The following DRC11 variants were observed in gnomAD, a reference collection of about 807,000 sequenced individuals.
DRC11 encodes dynein regulatory complex subunit 11, also known as IQ and AAA domain-containing protein 1.
the DRC11 span, chr2:236,392,470 C>G: frequency 3.6e-6 from 2 of 555,348 alleles, no homozygotes; most frequent in Admixed American, 3.4e-5. The surrounding 1 kb of genome is among the most constrained non-coding windows in gnomAD (Gnocchi z 5.1). Flanking sequence ...ATAAGCCTAA[C>G]TTTATATGTT....
chr2:236,492,170 C>A, the DRC11 span, among the ~76,000 whole-genome samples: 220 of 152,260 alleles, frequency 1.4e-3, 2 homozygotes, highest in Middle Eastern at 0.01. Flanking sequence ...TTTAAATTAC[C>A]CAGTCTGTGG....
At chr2:236,308,479 G>C in the DRC11 span, among the ~76,000 whole-genome samples, 3 of 152,250 alleles carry the variant, frequency 2.0e-5, no homozygotes, top group African/African-American at 7.2e-5. The surrounding 1 kb of genome is among the most constrained non-coding windows in gnomAD (Gnocchi z 6.0). Flanking sequence ...TCTGTGTGGG[G>C]ATACTCGTGG....
the DRC11 span, among the ~76,000 whole-genome samples, chr2:236,373,612 T>C: frequency 6.6e-6 from 1 of 152,230 alleles, no homozygotes; most frequent in Non-Finnish European, 1.5e-5. Context: ...TGTGGAGATG[T>C]CTTTTTGGGA....
chr2:236,442,416 A>G, the DRC11 span, among the ~76,000 whole-genome samples: 1 of 152,158 alleles, frequency 6.6e-6, no homozygotes, highest in Admixed American at 6.5e-5. Context: ...ATAGAACAAG[A>G]AGTATTTTAA....
the DRC11 span, among the ~76,000 whole-genome samples, chr2:236,336,040 T>G: frequency 2.0e-5 from 3 of 152,166 alleles, no homozygotes; most frequent in African/African-American, 7.2e-5. This position sits in a 1 kb window ranked among gnomAD's most constrained non-coding sequence, Gnocchi z 7.3. Flanking sequence ...CTTCTTTGGA[T>G]GCTGGCCAGG....
At chr2:236,401,556 G>A in the DRC11 span, among the ~76,000 whole-genome samples, 1 of 152,208 alleles carries the variant, frequency 6.6e-6, no homozygotes, top group South Asian at 2.1e-4. This position sits in a 1 kb window ranked among gnomAD's most constrained non-coding sequence, Gnocchi z 4.6. Context: ...ATACAATGTG[G>A]TATTTCCATA....
chr2:236,345,647 G>A, the DRC11 span, among the ~76,000 whole-genome samples: 3 of 152,106 alleles, frequency 2.0e-5, no homozygotes, highest in Non-Finnish European at 4.4e-5. Context: ...GCAGGGCCTC[G>A]CGACAGAGCT....
At chr2:236,377,121 T>G in the DRC11 span, 6 of 1,609,214 alleles carry the variant, frequency 3.7e-6, no homozygotes, top group African/African-American at 6.7e-5. The surrounding 1 kb of genome is among the most constrained non-coding windows in gnomAD (Gnocchi z 4.9). Flanking sequence ...TCAGAGAGGT[T>G]GACTTTCAGA....
the DRC11 span, among the ~76,000 whole-genome samples, chr2:236,347,009 G>C: frequency 2.0e-5 from 3 of 152,184 alleles, no homozygotes; most frequent in African/African-American, 7.2e-5. Context: ...CCAAGTGCTG[G>C]CAGGCCACTG....
chr2:236,323,339 G>A, the DRC11 span, among the ~76,000 whole-genome samples: 1 of 152,194 alleles, frequency 6.6e-6, no homozygotes, highest in Admixed American at 6.5e-5. This position sits in a 1 kb window ranked among gnomAD's most constrained non-coding sequence, Gnocchi z 6.4. Context: ...GACATAATCT[G>A]AAGTGGGTAA....
the DRC11 span, among the ~76,000 whole-genome samples, chr2:236,356,762 C>A: frequency 1.3e-5 from 2 of 151,768 alleles, no homozygotes; most frequent in Non-Finnish European, 2.9e-5. Flanking sequence ...TATACAGACT[C>A]AAGGAGACTG....
At chr2:236,348,693 G>A in the DRC11 span, among the ~76,000 whole-genome samples, 1 of 152,210 alleles carries the variant, frequency 6.6e-6, no homozygotes, top group Non-Finnish European at 1.5e-5. The surrounding 1 kb of genome is among the most constrained non-coding windows in gnomAD (Gnocchi z 7.4). Context: ...TGTGACTGGG[G>A]TGTTGTCTGG....
the DRC11 span, among the ~76,000 whole-genome samples, chr2:236,415,178 C>T: frequency 0.021 from 3,192 of 152,050 alleles, 108 homozygotes; most frequent in African/African-American, 0.073. This position sits in a 1 kb window ranked among gnomAD's most constrained non-coding sequence, Gnocchi z 5.7. Flanking sequence ...AATATTTCAA[C>T]TAACATATTA....
chr2:236,385,955 G>A, the DRC11 span, among the ~76,000 whole-genome samples: 1 of 143,164 alleles, frequency 7.0e-6, no homozygotes. Flanking sequence ...TTTATATGCT[G>A]GATTACATTT....
chr2:236,493,408 C>T, the DRC11 span, among the ~76,000 whole-genome samples: 1 of 152,154 alleles, frequency 6.6e-6, no homozygotes, highest in African/African-American at 2.4e-5. Flanking sequence ...TTTCAAGTTC[C>T]TAGTAAGTTA....
At chr2:236,426,612 G>C in the DRC11 span, among the ~76,000 whole-genome samples, 28 of 152,046 alleles carry the variant, frequency 1.8e-4, no homozygotes, top group Non-Finnish European at 3.4e-4. The surrounding 1 kb of genome is among the most constrained non-coding windows in gnomAD (Gnocchi z 4.1). Flanking sequence ...TTGCTATGTT[G>C]CCCAGGCTCT....
chr2:236,309,120 C>T, the DRC11 span, among the ~76,000 whole-genome samples: 4 of 152,176 alleles, frequency 2.6e-5, no homozygotes, highest in East Asian at 3.9e-4. The surrounding 1 kb of genome is among the most constrained non-coding windows in gnomAD (Gnocchi z 5.7). Context: ...GTGTTACCTG[C>T]GCTGTGCGTT....
the DRC11 span, among the ~76,000 whole-genome samples, chr2:236,336,339 G>A: frequency 1.3e-5 from 2 of 151,982 alleles, no homozygotes; most frequent in Admixed American, 1.3e-4. The surrounding 1 kb of genome is among the most constrained non-coding windows in gnomAD (Gnocchi z 7.3). Flanking sequence ...TCTGCTTTGC[G>A]GTGCTCACGT....
At chr2:236,377,061 G>A in the DRC11 span, 17 of 1,262,880 alleles carry the variant, frequency 1.3e-5, no homozygotes, top group Non-Finnish European at 1.7e-5. This position sits in a 1 kb window ranked among gnomAD's most constrained non-coding sequence, Gnocchi z 4.9. Context: ...AACACAAGAG[G>A]TGACACGTGA....
Sources: gnomAD v4.1 joint callset for allele counts (sites outside exome capture counted in the v4.1 genomes callset) on GRCh38, gnomAD v4.1.1 for gene constraint, Gnocchi (gnomAD v3.1) non-coding constraint, MANE v1.5 for transcripts, NCBI Gene and HGNC (gene_info 2026-07-23, HGNC 2026-07-21) for gene names.